The following CFAP61 variants were observed in gnomAD, a reference collection of about 807,000 sequenced individuals.
CFAP61 encodes the protein cilia- and flagella-associated protein 61.
Under a neutral mutation model 135.6 loss-of-function variants are expected in CFAP61, and 107 were observed. The ratio of observed to expected loss-of-function variants is 0.79; its 90% CI spans 0.67 to 0.93. The LOEUF (loss-of-function observed/expected upper bound fraction) is 0.93, where lower values mean the gene tolerates loss of function less well. Ranked by LOEUF, CFAP61 falls within the 40% of genes least tolerant of loss-of-function variation. CFAP61 has a pLI of 0.00. For missense variants in CFAP61, 1,507 were observed against 1,556.2 expected (o/e 0.97, Z 0.53); for synonymous variants, 575 against 578.5 (o/e 0.99, Z 0.09).
chr20:20,294,539 A>G (rs1351851175), intron 24 of CFAP61, among the ~76,000 whole-genome samples: 3 of 152,188 alleles, frequency 2.0e-5, no homozygotes, highest in African/African-American at 2.4e-5. Flanking sequence ...TCTGGACTCT[A>G]AGCCCTCATT....
intron 8 of CFAP61, among the ~76,000 whole-genome samples, chr20:20,103,617 A>C (rs1303848575): frequency 1.3e-5 from 2 of 152,244 alleles, no homozygotes; most frequent in African/African-American, 2.4e-5. Context: ...GCTAAAAAAA[A>C]CTTATTGAAT....
intron 26 of CFAP61, among the ~76,000 whole-genome samples, chr20:20,356,189 C>T (rs2059149158): frequency 7.4e-6 from 1 of 134,914 alleles, no homozygotes; most frequent in African/African-American, 2.8e-5. Flanking sequence ...GGGGTGGTCA[C>T]ACTGAGGGGA....
intron 19 of CFAP61, among the ~76,000 whole-genome samples, chr20:20,250,598 A>T (rs1242009441): frequency 1.3e-5 from 2 of 152,180 alleles, no homozygotes; most frequent in East Asian, 3.8e-4. Flanking sequence ...ATAAATAATA[A>T]ATAGATGAAT....
intron 25 of CFAP61, among the ~76,000 whole-genome samples, chr20:20,323,633 G>A (rs1278617665): frequency 6.6e-6 from 1 of 152,138 alleles, no homozygotes; most frequent in Non-Finnish European, 1.5e-5. Flanking sequence ...CTAGAAAGAA[G>A]CCATGTAAAA....
At chr20:20,317,023 T>G (rs1444665474) in intron 25 of CFAP61, 11 of 151,094 alleles carry the variant, frequency 7.3e-5, no homozygotes, top group Admixed American at 7.2e-4. Flanking sequence ...ATTACAGGCT[T>G]GAGCCAGCAT....
chr20:20,323,786 T>C (rs1183545974), intron 25 of CFAP61, among the ~76,000 whole-genome samples: 1 of 152,118 alleles, frequency 6.6e-6, no homozygotes, highest in East Asian at 1.9e-4. Flanking sequence ...AAGAAACCAA[T>C]TGTTAATTTT....
intron 13 of CFAP61, among the ~76,000 whole-genome samples, chr20:20,185,988 G>A (rs1289940004): frequency 6.6e-6 from 1 of 151,722 alleles, no homozygotes; most frequent in Non-Finnish European, 1.5e-5. Context: ...AATTATTTTG[G>A]CATTACATAT....
At chr20:20,288,574 A>G (rs1341908642) in intron 22 of CFAP61, 35 bp from the exon 23 acceptor site, 7 of 1,530,610 alleles carry the variant, frequency 4.6e-6, no homozygotes, top group Admixed American at 1.7e-5. Flanking sequence ...ATGAAGAGTG[A>G]TAACTGAATA....
chr20:20,196,647 G>T lies in CFAP61; in HGVS notation c.1668G>T (p.Gly556=). ...GTCACCACCAGCGCGAAGAACACGG[G>T]CACATGCATCACTTTGCCCTCAACC... ...YFSHHQREEH[G]HMHHFALNPI... Residue 556 remains glycine (G), a synonymous_variant, in exon 16 of 27, where the codon GGG becomes GGT. Transcript: ENST00000245957. 4 of 1,614,072 alleles carry T rather than the reference G, an allele frequency of 2.5e-6. No individual in the cohort carries two copies. The highest frequency in any genetic ancestry group is 2.5e-6 in the Non-Finnish European group (3 of 1,180,008).
At chr20:20,285,818 G>A (rs545302661) in intron 22 of CFAP61, among the ~76,000 whole-genome samples, 6 of 151,646 alleles carry the variant, frequency 4.0e-5, no homozygotes, top group African/African-American at 9.7e-5. Context: ...TACATGGGGG[G>A]GCTGAGGCAG....
Position 20,130,319 on chromosome 20 carries a change from C to T in CFAP61, c.860-12538C>T, listed in dbSNP as rs531466359. Among the ~76,000 whole-genome samples the T allele has an allele frequency of 4.6e-5, 7 of 151,700 alleles. No homozygotes were observed. In the East Asian group the frequency reaches 1.4e-3, roughly 29 times the overall value. On this transcript the variant is annotated intron_variant, in intron 8 of 26. Coordinates refer to ENST00000245957, the MANE Select transcript of CFAP61 (RefSeq NM_015585.4). ...TAAAAAAAAAAGATCACTGAGTTTC[C>T]TTAAAACTGCTATTTTGAATTCTTG...
At chr20:20,301,830 T>A (rs2056132771) in intron 25 of CFAP61, among the ~76,000 whole-genome samples, 1 of 152,186 alleles carries the variant, frequency 6.6e-6, no homozygotes, top group East Asian at 1.9e-4. Context: ...TCAACAATAT[T>A]CTTAATTTAA....
chr20:20,106,106 G>A (rs1177580119), intron 8 of CFAP61, among the ~76,000 whole-genome samples: 2 of 141,204 alleles, frequency 1.4e-5, no homozygotes, highest in Non-Finnish European at 3.0e-5. Flanking sequence ...AAGAGATGTT[G>A]ATAAAACAAA....
chr20:20,316,607 T>A (rs1249666951), intron 25 of CFAP61: 6 of 151,850 alleles, frequency 4.0e-5, no homozygotes, highest in African/African-American at 1.2e-4. Context: ...AGGGCATCCC[T>A]GTCTTGTGCC....
intron 25 of CFAP61, among the ~76,000 whole-genome samples, chr20:20,306,422 A>T (rs2056480818): frequency 6.6e-6 from 1 of 152,156 alleles, no homozygotes; most frequent in Admixed American, 6.5e-5. Flanking sequence ...AGGTATCAGG[A>T]ATGTATAAAT....
chr20:20,168,664 C>T (rs934030619), intron 12 of CFAP61, among the ~76,000 whole-genome samples: 2 of 152,100 alleles, frequency 1.3e-5, no homozygotes, highest in East Asian at 1.9e-4. Flanking sequence ...TTAGTTCCTC[C>T]GCCAATACTA....
Position 20,075,493 on chromosome 20 carries a change from A to G in CFAP61, c.444A>G (p.Ser148=), listed in dbSNP as rs1214747890. The G allele has an allele frequency of 1.9e-6, 3 of 1,614,000 alleles. No individual in the cohort carries two copies. In the African/African-American group the frequency reaches 4.0e-5, roughly 22 times the overall value. Residue 148 remains serine (S), a synonymous_variant, in exon 6 of 27, where the codon TCA becomes TCG. Transcript: ENST00000245957. Reference sequence around the variant, plus strand: ...TTCTTTATCTCTGTGATTTAGGCTCAACTCTCATAACTGTTTTTGACCAAG... The same window carrying G: ...TTCTTTATCTCTGTGATTTAGGCTCGACTCTCATAACTGTTTTTGACCAAG... The part of the protein sequence containing the change: ...LIVPSYMSLG[S]TLITVFDQVG...
At chr20:20,263,528 C>A (rs1323786712) in intron 21 of CFAP61, among the ~76,000 whole-genome samples, 2 of 151,950 alleles carry the variant, frequency 1.3e-5, no homozygotes, top group African/African-American at 4.8e-5. Context: ...ATTGGAAGGG[C>A]CTTTTCTTCT....
At chr20:20,172,543 C>G (rs2054301913) in intron 13 of CFAP61, among the ~76,000 whole-genome samples, 1 of 152,166 alleles carries the variant, frequency 6.6e-6, no homozygotes, top group Admixed American at 6.5e-5. Context: ...ATCTTGAACT[C>G]TCCTGGGCTC....
Sources: gnomAD v4.1 joint callset for allele counts (sites outside exome capture counted in the v4.1 genomes callset) on GRCh38, gnomAD v4.1.1 for gene constraint, MANE v1.5 for transcripts, NCBI Gene and HGNC (gene_info 2026-07-23, HGNC 2026-07-21) for gene names.